NAB1: variants seen among roughly 807,000 people sequenced by gnomAD.
The protein encoded by NAB1 is NGFI-A binding protein 1.
NAB1 carries 25 observed loss-of-function variants against 49.9 expected under a neutral mutation model. The ratio of observed to expected loss-of-function variants is 0.50; its 90% CI spans 0.37 to 0.70. The LOEUF is 0.70. Among genes scored for constraint, NAB1 ranks in the 30% least tolerant of loss-of-function variants. The pLI, the probability that NAB1 is intolerant of heterozygous loss-of-function variation, is 0.00. For synonymous variants in NAB1, 198 were observed against 215.6 expected, an observed-to-expected ratio of 0.92 and a Z score of 0.71; for missense variants, 489 against 575.9, an observed-to-expected ratio of 0.85 and a Z score of 1.54.
At position 190,649,554 on chromosome 2, in the gene NAB1, G is replaced by C. The variant is rs1359541231; in HGVS notation, c.-334+194G>C. 6.6e-6 allele frequency: 1 copy of C among 152,106 alleles called. No individual in the cohort carries two copies. The highest frequency in any genetic ancestry group is 1.5e-5 in the Non-Finnish European group (1 of 68,018). 9.4% of individuals were successfully genotyped at this position (152,106 alleles called of 1,614,324 possible). ...AGGGCGGCCCCGGGCTCGTGTGGGC[G>C]ATTCCCGGAGACATTCTGTGTGCCA... On this transcript the variant is annotated intron_variant, in intron 1 of 9. Coordinates refer to ENST00000337386, the MANE Select transcript of NAB1 (RefSeq NM_005966.4). The surrounding 1 kb of genome is among the most constrained non-coding windows in gnomAD (Gnocchi z 6.1).
rs539001980 is a variant in NAB1 at position 190,683,881 on chromosome 2, A to C, written c.1095+54A>C. The C allele has an allele frequency of 7.0e-5, 95 of 1,355,996 alleles. 1 individual carries two copies. In the South Asian group the frequency reaches 1.1e-3, roughly 16 times the overall value. The allele number at this position is 1,355,996 out of a possible 1,614,324, so 84.0% of individuals were successfully genotyped here. A position where few individuals can be genotyped will look rare whatever the true frequency, so the allele number is the denominator to read the frequency against. Reference sequence around the variant, plus strand: ...TGATAGTATCTGAAGGTTAAAAAATAAATGACTACTTCAACTAGCTTCAGT... The same window carrying C: ...TGATAGTATCTGAAGGTTAAAAAATCAATGACTACTTCAACTAGCTTCAGT... On this transcript the variant is annotated intron_variant, in intron 7 of 9. Coordinates refer to ENST00000337386, the MANE Select transcript of NAB1 (RefSeq NM_005966.4).
chr2:190,660,016 C>T (rs1280100731), intron 4 of NAB1, 21 bp downstream of exon 4: 1 of 1,590,486 alleles, frequency 6.3e-7, no homozygotes. Flanking sequence ...CGCGTTGTTC[C>T]TTCTGTGTGT....
chr2:190,668,940 T>TA (rs1320186193), intron 4 of NAB1, among the ~76,000 whole-genome samples: 18 of 152,300 alleles, frequency 1.2e-4, no homozygotes, highest in African/African-American at 4.3e-4. Context: ...TTAACAACAA[T>TA]AACTATTAAT....
chr2:190,659,608 A>ATG lies in NAB1; in HGVS notation c.432_433insTG (p.Asp145TrpfsTer7). 1.2e-6 allele frequency: 2 copies of ATG among 1,614,214 alleles called. No individual in the cohort carries two copies. Among genetic ancestry groups the ATG allele is most frequent in the Non-Finnish European group, 8.5e-7 (1 of 1,180,032 alleles). On this transcript the variant is annotated frameshift_variant, in exon 4 of 10. Coordinates refer to ENST00000337386, the MANE Select transcript of NAB1 (RefSeq NM_005966.4). LOFTEE classifies it high-confidence loss of function. The surrounding 1 kb of genome is among the most constrained non-coding windows in gnomAD (Gnocchi z 6.2). ...TGCAGAGCTTGGGACAGGGGAAGTC[A>ATG]GATGTGGTTGGGAGCCTAGCACTGC...
At chr2:190,673,555 G>C (rs1308502189) in intron 6 of NAB1, among the ~76,000 whole-genome samples, 1 of 152,104 alleles carries the variant, frequency 6.6e-6, no homozygotes, top group South Asian at 2.1e-4. Context: ...ATTTATCAAA[G>C]GTTGATTTGC....
At chr2:190,673,808 A>G (rs1694940156) in intron 6 of NAB1, among the ~76,000 whole-genome samples, 1 of 152,202 alleles carries the variant, frequency 6.6e-6, no homozygotes, top group African/African-American at 2.4e-5. Flanking sequence ...GTAAGGTGGG[A>G]GTTAAGAAAA....
Position 190,684,637 on chromosome 2 carries a change from A to C in NAB1, c.1095+810A>C, listed in dbSNP as rs1695515640. Reference sequence around the variant, plus strand: ...TTTACCTACTGATTTTTACATTGTGAATCAGGGCATTTTGTAACCAATTTT... The same window carrying C: ...TTTACCTACTGATTTTTACATTGTGCATCAGGGCATTTTGTAACCAATTTT... On this transcript the variant is annotated intron_variant, in intron 7 of 9. Transcript: ENST00000337386. This position sits in a 1 kb window ranked among gnomAD's most constrained non-coding sequence, Gnocchi z 4.6. 6.6e-6 allele frequency among the ~76,000 whole-genome samples: 1 copy of C among 152,126 alleles called. No individual in the cohort carries two copies. Among genetic ancestry groups the C allele is most frequent in the Non-Finnish European group, 1.5e-5 (1 of 67,994 alleles).
rs1695825692 is a variant in NAB1 at position 190,689,814 on chromosome 2, G to A, written c.1376-431G>A. 6.6e-6 allele frequency among the ~76,000 whole-genome samples: 1 copy of A among 151,834 alleles called. No homozygotes were observed. Among genetic ancestry groups the A allele is most frequent in the Non-Finnish European group, 1.5e-5 (1 of 67,924 alleles). ...ATTTTAACCAGTAACAGTTATTTAT[G>A]AATAATCAGCTTCCTTTTATATATT... On this transcript the variant is annotated intron_variant, in intron 9 of 9. Transcript: ENST00000337386. This position sits in a 1 kb window ranked among gnomAD's most constrained non-coding sequence, Gnocchi z 4.3.
Position 190,674,064 on chromosome 2 carries a change from A to G in NAB1, c.1005+912A>G, listed in dbSNP as rs1004749840. Among the ~76,000 whole-genome samples the G allele has an allele frequency of 2.6e-5, 4 of 152,196 alleles. No individual in the cohort carries two copies. The highest frequency in any genetic ancestry group is 5.9e-5 in the Non-Finnish European group (4 of 68,040). On this transcript the variant is annotated intron_variant, in intron 6 of 9. Transcript: ENST00000337386. This position sits in a 1 kb window ranked among gnomAD's most constrained non-coding sequence, Gnocchi z 5.7. ...CTGTCATCAGTTATATCTACAGAGT[A>G]TCTATATGGCAGTAATCCTTTATTC... is the stretch of plus-strand genomic sequence containing the variant.
rs1225362455 is a variant in NAB1 at position 190,691,396 on chromosome 2, G to A, written c.*1063G>A. On this transcript the variant is annotated 3_prime_UTR_variant, in exon 10 of 10. Transcript: ENST00000337386. The surrounding 1 kb of genome is among the most constrained non-coding windows in gnomAD (Gnocchi z 4.1). ...CCACATCTGTAGGCATATTTCTATG[G>A]AAGTTTAATTGACAGCTATATTCAT... The A allele has an allele frequency of 6.6e-6, 1 of 152,112 alleles. No homozygotes were observed. The highest frequency in any genetic ancestry group is 2.4e-5 in the African/African-American group (1 of 41,426). The allele number at this position is 152,112 out of a possible 1,614,324, so 9.4% of individuals were successfully genotyped here.
chr2:190,691,043 A>T lies in NAB1; in HGVS notation c.*710A>T, dbSNP rs1157695801. 3 of 152,572 alleles carry T rather than the reference A, an allele frequency of 2.0e-5. No homozygotes were observed. Among genetic ancestry groups the T allele is most frequent in the African/African-American group, 7.2e-5 (3 of 41,456 alleles). The allele number at this position is 152,572 out of a possible 1,614,324, so 9.5% of individuals were successfully genotyped here. A position where few individuals can be genotyped will look rare whatever the true frequency, so the allele number is the denominator to read the frequency against. ...CAATAGAGTAGAAAATATATCTTAAACTAGTTGACCTAGATTGTATTAATA... is the reference window on the plus strand; with the variant it reads ...CAATAGAGTAGAAAATATATCTTAATCTAGTTGACCTAGATTGTATTAATA... On this transcript the variant is annotated 3_prime_UTR_variant, in exon 10 of 10. Transcript: ENST00000337386. This position sits in a 1 kb window ranked among gnomAD's most constrained non-coding sequence, Gnocchi z 4.1.
rs1392759801 is a variant in NAB1, at chr2:190,649,228, C to G, written c.-466C>G. The G allele has an allele frequency of 6.6e-6, 1 of 152,030 alleles. No individual in the cohort carries two copies. The highest frequency in any genetic ancestry group is 1.5e-5 in the Non-Finnish European group (1 of 67,928). The allele number at this position is 152,030 out of a possible 1,614,324, so 9.4% of individuals were successfully genotyped here. On this transcript the variant is annotated 5_prime_UTR_variant, in exon 1 of 10. Transcript: ENST00000337386. The surrounding 1 kb of genome is among the most constrained non-coding windows in gnomAD (Gnocchi z 6.1). ...GAGCGCGCCCACCACCTTCCCTTCC[C>G]CCCTCGATGGGAGCGGGGGCGTCCC...
rs1693967027 is a variant in NAB1 at position 190,657,166 on chromosome 2, G to A, written c.-20+1013G>A. On this transcript the variant is annotated intron_variant, in intron 3 of 9. Transcript: ENST00000337386. This position sits in a 1 kb window ranked among gnomAD's most constrained non-coding sequence, Gnocchi z 4.4. ...CAGCCCTTCTATTTGGTATAGTGTAGTTTAATATAGCTCTAAACTTGGGTC... is the reference window on the plus strand; with the variant it reads ...CAGCCCTTCTATTTGGTATAGTGTAATTTAATATAGCTCTAAACTTGGGTC... Among the ~76,000 whole-genome samples, 1 of 152,172 alleles carries A rather than the reference G, an allele frequency of 6.6e-6. No individual in the cohort carries two copies. The highest frequency in any genetic ancestry group is 2.1e-4 in the South Asian group (1 of 4,830).
rs1240674117 is a variant in NAB1 at position 190,684,040 on chromosome 2, C to G, written c.1095+213C>G. 6.6e-6 allele frequency among the ~76,000 whole-genome samples: 1 copy of G among 152,122 alleles called. No homozygotes were observed. Among genetic ancestry groups the G allele is most frequent in the East Asian group, 1.9e-4 (1 of 5,196 alleles). Reference sequence around the variant, plus strand: ...ATGAACGGAATCTGATATGGTGCTACTTATTTATTCTTGTAGTTTTGTAGG... The same window carrying G: ...ATGAACGGAATCTGATATGGTGCTAGTTATTTATTCTTGTAGTTTTGTAGG... On this transcript the variant is annotated intron_variant, in intron 7 of 9. Coordinates refer to ENST00000337386, the MANE Select transcript of NAB1 (RefSeq NM_005966.4). The surrounding 1 kb of genome is among the most constrained non-coding windows in gnomAD (Gnocchi z 4.6).
intron 6 of NAB1, among the ~76,000 whole-genome samples, chr2:190,673,478 A>G (rs1240211568): frequency 6.6e-6 from 1 of 152,196 alleles, no homozygotes; most frequent in Non-Finnish European, 1.5e-5. Context: ...CTGGGATTAC[A>G]GGTGTGAACC....
At position 190,649,542 on chromosome 2, in the gene NAB1, G is replaced by C. The variant is rs1438049269; in HGVS notation, c.-334+182G>C. 6.6e-6 allele frequency: 1 copy of C among 152,160 alleles called. No individual in the cohort carries two copies. Among genetic ancestry groups the C allele is most frequent in the Non-Finnish European group, 1.5e-5 (1 of 68,038 alleles). The allele number at this position is 152,160 out of a possible 1,614,324, so 9.4% of individuals were successfully genotyped here. ...CGCCGGAAGGAGAGGGCGGCCCCGG[G>C]CTCGTGTGGGCGATTCCCGGAGACA... On this transcript the variant is annotated intron_variant, in intron 1 of 9. Transcript: ENST00000337386. This position sits in a 1 kb window ranked among gnomAD's most constrained non-coding sequence, Gnocchi z 6.1.
chr2:190,670,024 TA>T lies in NAB1; in HGVS notation c.820-301del, dbSNP rs1471420371. Among the ~76,000 whole-genome samples the T allele has an allele frequency of 6.6e-6, 1 of 152,174 alleles. No individual in the cohort carries two copies. The highest frequency in any genetic ancestry group is 1.5e-5 in the Non-Finnish European group (1 of 68,028). On this transcript the variant is annotated intron_variant, in intron 4 of 9. Transcript: ENST00000337386. The surrounding 1 kb of genome is among the most constrained non-coding windows in gnomAD (Gnocchi z 5.3). ...GTTTTTTTATAAGCGAGTTGCAGAA[TA>T]TTTTTTACTTTTTATTTTCCTTGTC...
At position 190,659,103 on chromosome 2, in the gene NAB1, T is replaced by C. The variant is rs527701552; in HGVS notation, c.-19-55T>C. ...AACCTGTAGTGTAACCTATTTGGTG[T>C]AAGGAGTTTGAAGCAAGTATGATGA... On this transcript the variant is annotated intron_variant, in intron 3 of 9. Transcript: ENST00000337386. This position sits in a 1 kb window ranked among gnomAD's most constrained non-coding sequence, Gnocchi z 6.2. The C allele has an allele frequency of 5.9e-6, 7 of 1,177,264 alleles. No homozygotes were observed. The African/African-American group carries it at 1.1e-4, about 18-fold the overall frequency. The allele number at this position is 1,177,264 out of a possible 1,614,324, so 72.9% of individuals were successfully genotyped here.
At chr2:190,653,029 A>C (rs1693745095) in intron 2 of NAB1, among the ~76,000 whole-genome samples, 1 of 152,174 alleles carries the variant, frequency 6.6e-6, no homozygotes, top group African/African-American at 2.4e-5. Context: ...GCCCAAGACA[A>C]TTCTTCTTCC....
Sources: gnomAD v4.1 joint callset for allele counts (sites outside exome capture counted in the v4.1 genomes callset) on GRCh38, gnomAD v4.1.1 for gene constraint, Gnocchi (gnomAD v3.1) non-coding constraint, MANE v1.5 for transcripts, NCBI Gene and HGNC (gene_info 2026-07-23, HGNC 2026-07-21) for gene names.